SGCZ: variants seen among roughly 807,000 people sequenced by gnomAD.
The protein encoded by SGCZ is sarcoglycan zeta, also known as zeta-sarcoglycan.
Under a neutral mutation model 41.3 loss-of-function variants are expected in SGCZ, and 40 were observed. The observed-to-expected ratio is 0.97, with a 90% confidence interval of 0.75 to 1.26. The LOEUF (loss-of-function observed/expected upper bound fraction) is 1.26. Among genes scored for constraint, SGCZ ranks in the 50% most tolerant of loss-of-function variants. The pLI is 0.00. For synonymous variants in SGCZ, 206 were observed against 137.5 expected (o/e 1.50, Z -3.49); for missense variants, 552 against 369.8 (o/e 1.49, Z -4.04).
At chr8:14,438,676 G>A (rs1800160127) in intron 2 of SGCZ, among the ~76,000 whole-genome samples, 1 of 151,904 alleles carries the variant, frequency 6.6e-6, no homozygotes, top group Non-Finnish European at 1.5e-5. Context: ...TATCCCATCA[G>A]ATATTTCATG....
intron 5 of SGCZ, among the ~76,000 whole-genome samples, chr8:14,139,646 T>C (rs186253358): frequency 1.1e-4 from 17 of 152,246 alleles, no homozygotes; most frequent in Admixed American, 9.2e-4. Context: ...CAGGAAGAAG[T>C]TGAATCCCTG....
At chr8:14,832,496 C>A (rs1019900901) in intron 1 of SGCZ, among the ~76,000 whole-genome samples, 1 of 149,062 alleles carries the variant, frequency 6.7e-6, no homozygotes, top group Non-Finnish European at 1.5e-5. Flanking sequence ...AGATGGGTAG[C>A]ATTTTTTTTA....
intron 1 of SGCZ, among the ~76,000 whole-genome samples, chr8:14,960,197 G>T (rs1485697821): frequency 1.3e-5 from 2 of 152,124 alleles, no homozygotes; most frequent in Admixed American, 1.3e-4. Flanking sequence ...GAGGGTGAAT[G>T]CAATATTTTT....
intron 1 of SGCZ, among the ~76,000 whole-genome samples, chr8:14,669,995 C>T (rs1256903231): frequency 2.6e-5 from 4 of 152,154 alleles, no homozygotes; most frequent in Non-Finnish European, 5.9e-5. Flanking sequence ...TATACAAGTA[C>T]AGCATGATAT....
intron 4 of SGCZ, among the ~76,000 whole-genome samples, chr8:14,175,300 A>T (rs1314925069): frequency 6.6e-6 from 1 of 152,170 alleles, no homozygotes; most frequent in Non-Finnish European, 1.5e-5. Flanking sequence ...GACTATTTTC[A>T]TAAAAAAGGA....
rs1233373892 is a variant in SGCZ at position 15,199,335 on chromosome 8, T to C, written c.39+38250A>G. Among the ~76,000 whole-genome samples the C allele has an allele frequency of 2.6e-5, 4 of 152,186 alleles. No homozygotes were observed. In the South Asian group the frequency reaches 8.3e-4, roughly 32 times the overall value. On this transcript the variant is annotated intron_variant, in intron 1 of 7. Coordinates refer to ENST00000382080, the MANE Select transcript of SGCZ (RefSeq NM_139167.4). ...TGAAGCTCACTTTCAGTCTAGACCA[T>C]AGAAGCAATTCCCTCAACCATTAAA...
intron 4 of SGCZ, among the ~76,000 whole-genome samples, chr8:14,211,643 T>C (rs1805809956): frequency 6.9e-6 from 1 of 145,770 alleles, no homozygotes; most frequent in African/African-American, 2.7e-5. Flanking sequence ...CTTACCACAA[T>C]TAAGCAGGAG....
At chr8:14,234,686 A>C (rs1357430008) in intron 4 of SGCZ, among the ~76,000 whole-genome samples, 1 of 152,134 alleles carries the variant, frequency 6.6e-6, no homozygotes, top group African/African-American at 2.4e-5. Flanking sequence ...AAGAAAAGAA[A>C]TAGACAAGGA....
intron 1 of SGCZ, among the ~76,000 whole-genome samples, chr8:14,906,335 A>C (rs1031079688): frequency 2.0e-5 from 3 of 152,118 alleles, no homozygotes; most frequent in Non-Finnish European, 2.9e-5. Context: ...GAATACTCTT[A>C]AAAAGAGATT....
At chr8:15,094,012 G>A (rs1289530445) in intron 1 of SGCZ, among the ~76,000 whole-genome samples, 4 of 152,096 alleles carry the variant, frequency 2.6e-5, no homozygotes. Flanking sequence ...GGGGGAAACA[G>A]GAGAAACATT....
intron 1 of SGCZ, among the ~76,000 whole-genome samples, chr8:14,854,018 ATAT>A (rs1803447943): frequency 1.8e-5 from 1 of 55,352 alleles, no homozygotes; most frequent in Admixed American, 2.5e-4. Flanking sequence ...CTATGTGATT[ATAT>A]TATATATATA....
In SGCZ at chr8:14,394,143, CTTTTTTTTTTTTT is replaced by C. The variant is rs75054512; in HGVS notation, c.235-69952_235-69940del. Among the ~76,000 whole-genome samples the C allele has an allele frequency of 1.2e-3, 142 of 117,490 alleles. 1 individual carries two copies. Among genetic ancestry groups the C allele is most frequent in the Non-Finnish European group, 2.2e-3 (127 of 57,482 alleles). The allele number at this position is 117,490 out of a possible 152,430, so 77.1% of individuals were successfully genotyped here. A position where few individuals can be genotyped will look rare whatever the true frequency, so the allele number is the denominator to read the frequency against. ...CATGCACTGCCCTACCGCCCCCCAC[CTTTTTTTTTTTTT>C]TTTTTTTTTTTTGAGATTTAGTCTC... On this transcript the variant is annotated intron_variant, in intron 2 of 7. Transcript: ENST00000382080.
intron 1 of SGCZ, among the ~76,000 whole-genome samples, chr8:14,805,669 A>C (rs993921471): frequency 2.6e-5 from 4 of 151,378 alleles, no homozygotes; most frequent in Admixed American, 1.3e-4. Context: ...TAGACAGATC[A>C]ACGAGACAGA....
chr8:14,387,104 G>A (rs1804603786), intron 2 of SGCZ, among the ~76,000 whole-genome samples: 1 of 152,142 alleles, frequency 6.6e-6, no homozygotes, highest in South Asian at 2.1e-4. Context: ...TCACTCTTTG[G>A]CTCAGGCTGA....
intron 1 of SGCZ, among the ~76,000 whole-genome samples, chr8:14,610,043 G>A (rs906619500): frequency 6.6e-6 from 1 of 152,158 alleles, no homozygotes; most frequent in Non-Finnish European, 1.5e-5. Context: ...TAAATCAATT[G>A]ATATTAATTG....
chr8:14,832,831 G>C (rs1004115663), intron 1 of SGCZ, among the ~76,000 whole-genome samples: 2 of 151,882 alleles, frequency 1.3e-5, no homozygotes, highest in African/African-American at 4.8e-5. Flanking sequence ...CAAATACAAT[G>C]TTTTTTCTAA....
intron 1 of SGCZ, among the ~76,000 whole-genome samples, chr8:14,968,568 T>C (rs1801192411): frequency 6.6e-6 from 1 of 152,104 alleles, no homozygotes; most frequent in Non-Finnish European, 1.5e-5. Flanking sequence ...ACTCAATGTA[T>C]AATTAAAATC....
At chr8:14,523,506 T>C (rs74938468) in intron 2 of SGCZ, among the ~76,000 whole-genome samples, 8,478 of 152,120 alleles carry the variant, frequency 0.056, 569 homozygotes, top group African/African-American at 0.15. Context: ...CTCCTGGTCG[T>C]GACGGTTTCT....
At chr8:14,445,818 G>A (rs1012657354) in intron 2 of SGCZ, among the ~76,000 whole-genome samples, 2 of 152,170 alleles carry the variant, frequency 1.3e-5, no homozygotes, top group Non-Finnish European at 2.9e-5. Context: ...TACTCCCTCT[G>A]GTTCTAGCCA....
Sources: allele counts gnomAD v4.1 joint callset (sites outside exome capture counted in the v4.1 genomes callset), GRCh38; gene constraint gnomAD v4.1.1; transcripts MANE v1.5; gene names NCBI Gene and HGNC (gene_info 2026-07-23, HGNC 2026-07-21).